The following PDE3A variants were observed in gnomAD, a reference collection of about 807,000 sequenced individuals.
PDE3A encodes the protein cGMP-inhibited 3',5'-cyclic phosphodiesterase 3A.
A neutral mutation model predicts 98.3 loss-of-function variants in PDE3A; 43 were observed. The observed-to-expected ratio is 0.44, with a 90% CI of 0.34 to 0.56. The LOEUF (loss-of-function observed/expected upper bound fraction) is 0.56, where lower values mean the gene tolerates loss of function less well. PDE3A is among the 20% of genes least tolerant of loss of function. The pLI is 0.01. For synonymous variants in PDE3A, 663 were observed against 567.9 expected, an observed-to-expected ratio of 1.17 and a Z score of -2.38; for missense variants, 1,427 against 1,440.7, an observed-to-expected ratio of 0.99 and a Z score of 0.15.
chr12:20,396,634 A>C (rs1944023692), intron 1 of PDE3A, among the ~76,000 whole-genome samples: 1 of 152,130 alleles, frequency 6.6e-6, no homozygotes, highest in African/African-American at 2.4e-5. Context: ...GTAAACATTA[A>C]ATTTTAAAAA....
intron 15 of PDE3A, among the ~76,000 whole-genome samples, chr12:20,662,514 A>T (rs1362087427): frequency 6.6e-6 from 1 of 152,188 alleles, no homozygotes; most frequent in African/African-American, 2.4e-5. Flanking sequence ...TTAGACTTGC[A>T]TGGGGCCTGT....
At chr12:20,667,873 G>A (rs569320543) in intron 15 of PDE3A, among the ~76,000 whole-genome samples, 14 of 152,244 alleles carry the variant, frequency 9.2e-5, no homozygotes, top group East Asian at 1.9e-4. Flanking sequence ...GAACAGCTCC[G>A]GTCTACAGCT....
chr12:20,634,009 A>T (rs1944443945), intron 7 of PDE3A, among the ~76,000 whole-genome samples: 3 of 152,050 alleles, frequency 2.0e-5, no homozygotes, highest in African/African-American at 2.4e-5. Flanking sequence ...CTGATTTTTT[A>T]AATTATAGAT....
At chr12:20,497,214 A>T (rs1180910848) in intron 1 of PDE3A, among the ~76,000 whole-genome samples, 1 of 152,176 alleles carries the variant, frequency 6.6e-6, no homozygotes, top group Non-Finnish European at 1.5e-5. Flanking sequence ...TGATTCTGAT[A>T]CAACTGATTA....
At chr12:20,415,321 T>A (rs1417710799) in intron 1 of PDE3A, among the ~76,000 whole-genome samples, 1 of 152,114 alleles carries the variant, frequency 6.6e-6, no homozygotes, top group Non-Finnish European at 1.5e-5. Flanking sequence ...ATTATGCTTA[T>A]TTTACCCCAA....
intron 5 of PDE3A, among the ~76,000 whole-genome samples, chr12:20,623,408 G>C (rs1944181409): frequency 1.3e-5 from 2 of 152,040 alleles, no homozygotes; most frequent in Non-Finnish European, 2.9e-5. Flanking sequence ...CCAGAGAAAA[G>C]ACAAATTTCC....
intron 1 of PDE3A, among the ~76,000 whole-genome samples, chr12:20,401,990 G>A (rs1360040207): frequency 6.6e-6 from 1 of 152,084 alleles, no homozygotes; most frequent in East Asian, 1.9e-4. Flanking sequence ...GTGGAATTTG[G>A]TGATTATCCC....
chr12:20,515,693 C>G (rs1377074043), intron 1 of PDE3A, among the ~76,000 whole-genome samples: 51 of 143,574 alleles, frequency 3.6e-4, no homozygotes, highest in Non-Finnish European at 1.2e-4. Flanking sequence ...TAGAATCTCA[C>G]ACTGTATTAT....
chr12:20,472,005 T>A (rs1945447634), intron 1 of PDE3A, among the ~76,000 whole-genome samples: 1 of 152,146 alleles, frequency 6.6e-6, no homozygotes, highest in Non-Finnish European at 1.5e-5. Flanking sequence ...ATTTTGGCTC[T>A]GAATTTAATA....
intron 1 of PDE3A, among the ~76,000 whole-genome samples, chr12:20,534,246 C>A (rs1017640734): frequency 6.6e-6 from 1 of 152,214 alleles, no homozygotes; most frequent in Non-Finnish European, 1.5e-5. Context: ...CTTTTCGTCT[C>A]TCTTACATAA....
rs1491179626 is a variant in PDE3A, at chr12:20,370,410, T to TG, written c.960+166_960+167insG. The TG allele has an allele frequency of 5.8e-4, 148 of 254,268 alleles. 1 individual carries two copies. Among genetic ancestry groups the TG allele is most frequent in the Middle Eastern group, 2.2e-3 (2 of 916 alleles). 15.8% of individuals were successfully genotyped at this position (254,268 alleles called of 1,614,324 possible). ...GCAGGTTTTTTTTTTGTTTTTTTTG[T>TG]TTTTTTTTTTTTGTTTTTTTGCCCT... On this transcript the variant is annotated intron_variant, in intron 1 of 15. Transcript: ENST00000359062.
In PDE3A at chr12:20,369,665, C is replaced by T. The variant is rs369350891; in HGVS notation, c.381C>T (p.Ser127=). Residue 127 remains serine (S), a synonymous_variant, in exon 1 of 16, where the codon AGC becomes AGT. Coordinates refer to ENST00000359062, the MANE Select transcript of PDE3A (RefSeq NM_000921.5). ...GGAPGGGARL[S]PWLQPSALLF... ...CTCCCGGGGGCGGTGCGCGGCTCAG[C>T]CCCTGGCTGCAGCCCTCGGCGCTGC... 1.4e-5 allele frequency: 22 copies of T among 1,606,134 alleles called. No individual in the cohort carries two copies. The highest frequency in any genetic ancestry group is 2.2e-5 in the East Asian group (1 of 44,610).
At chr12:20,647,514 A>G (rs757022176) in intron 12 of PDE3A, among the ~76,000 whole-genome samples, 3 of 152,134 alleles carry the variant, frequency 2.0e-5, no homozygotes, top group Non-Finnish European at 4.4e-5. Context: ...TAAAAAATTC[A>G]TCACTAAGTA....
chr12:20,375,787 C>T (rs1407029061), intron 1 of PDE3A, among the ~76,000 whole-genome samples: 1 of 151,912 alleles, frequency 6.6e-6, no homozygotes, highest in African/African-American at 2.4e-5. Context: ...AAAGGGAAGT[C>T]ACAGTGAAAT....
At chr12:20,673,383 A>C (rs1366825907) in intron 15 of PDE3A, among the ~76,000 whole-genome samples, 2 of 146,732 alleles carry the variant, frequency 1.4e-5, no homozygotes, top group Non-Finnish European at 3.0e-5. Context: ...TCATGCTGCT[A>C]TAAAGACACA....
In PDE3A at chr12:20,369,378, C is replaced by G; in HGVS notation, c.94C>G (p.Arg32Gly). The change falls in exon 1 of 16, where the codon CGT becomes GGT. Residue 32 changes from arginine to glycine, a missense_variant. Physicochemically the swap from Arg to Gly is moderately radical, Grantham distance 125. Around this residue, in one of 3 missense-constraint regions of PDE3A, gnomAD observed 1,012 missense variants for 886.5 expected, o/e 1.14. Transcript: ENST00000359062. ...CACGGCGGGCCGGGACTGCCACCAT[C>G]GTGCGGACCCCGCATCGCCGCGGGA... ...APTAGRDCHH[R>G]ADPASPRDSG... 1.3e-6 allele frequency: 2 copies of G among 1,550,164 alleles called. No homozygotes were observed. Among genetic ancestry groups the G allele is most frequent in the Non-Finnish European group, 8.7e-7 (1 of 1,147,390 alleles).
chr12:20,403,694 C>T (rs1342682988), intron 1 of PDE3A, among the ~76,000 whole-genome samples: 3 of 152,100 alleles, frequency 2.0e-5, no homozygotes, highest in Non-Finnish European at 2.9e-5. Context: ...AGTATGACAA[C>T]CTACATTTTG....
intron 15 of PDE3A, among the ~76,000 whole-genome samples, chr12:20,660,502 T>C (rs1406777412): frequency 2.0e-5 from 3 of 151,682 alleles, no homozygotes; most frequent in Non-Finnish European, 2.9e-5. Flanking sequence ...GATTGGAGGG[T>C]CATATGGTTT....
chr12:20,656,346 T>A (rs1945043997), intron 15 of PDE3A, among the ~76,000 whole-genome samples: 1 of 152,222 alleles, frequency 6.6e-6, no homozygotes, highest in African/African-American at 2.4e-5. Context: ...TAGGCACACA[T>A]AAGCAAACAT....
Sources: allele counts gnomAD v4.1 joint callset (sites outside exome capture counted in the v4.1 genomes callset), GRCh38; gene constraint gnomAD v4.1.1; regional missense constraint gnomAD v4.1.1; transcripts MANE v1.5; gene names NCBI Gene and HGNC (gene_info 2026-07-23, HGNC 2026-07-21).